The following SORCS3 variants were observed in gnomAD, a reference collection of about 807,000 sequenced individuals.
The protein encoded by SORCS3 is sortilin related VPS10 domain containing receptor 3, also known as VPS10 domain-containing receptor SorCS3.
SORCS3 carries 57 observed loss-of-function variants against 146.3 expected under a neutral mutation model. The ratio of observed to expected loss-of-function variants is 0.39; its 90% CI spans 0.31 to 0.49. The LOEUF is 0.49. SORCS3 is among the 20% of genes least tolerant of loss of function. The pLI, the probability that SORCS3 is intolerant of heterozygous loss-of-function variation, is 0.92. For synonymous variants in SORCS3, 653 were observed against 618.5 expected (o/e 1.06, Z -0.83); for missense variants, 1,341 against 1,575.5 (o/e 0.85, Z 2.52).
intron 3 of SORCS3, among the ~76,000 whole-genome samples, chr10:104,944,790 T>C (rs548731490): frequency 6.6e-6 from 1 of 152,328 alleles, no homozygotes; most frequent in Non-Finnish European, 1.5e-5. Flanking sequence ...AAACCGGCAG[T>C]GTCTCCTAAA....
At chr10:105,117,055 C>A (rs1262588084) in intron 7 of SORCS3, among the ~76,000 whole-genome samples, 3 of 150,574 alleles carry the variant, frequency 2.0e-5, no homozygotes, top group Non-Finnish European at 4.4e-5. Flanking sequence ...AAAAAAAAAA[C>A]AAAACTAATG....
At chr10:104,696,464 AAT>A (rs1468295539) in intron 1 of SORCS3, among the ~76,000 whole-genome samples, 1 of 79,132 alleles carries the variant, frequency 1.3e-5, no homozygotes, top group African/African-American at 4.8e-5. Flanking sequence ...TAGAATATAT[AAT>A]ATATAGAATA....
chr10:104,717,040 C>T lies in SORCS3; in HGVS notation c.627+75086C>T, dbSNP rs769635965. On this transcript the variant is annotated intron_variant, in intron 1 of 26. Transcript: ENST00000369701. ...CACAGTGGCTCATGCCTGTAATTCC[C>T]GCCTTTGGAAGGCCAAGGCAGAAGA... 8.5e-5 allele frequency among the ~76,000 whole-genome samples: 13 copies of T among 152,244 alleles called. No individual in the cohort carries two copies. In the East Asian group the frequency reaches 1.4e-3, roughly 16 times the overall value.
At chr10:105,042,632 A>G (rs1394699852) in intron 4 of SORCS3, among the ~76,000 whole-genome samples, 2 of 152,192 alleles carry the variant, frequency 1.3e-5, no homozygotes, top group Non-Finnish European at 2.9e-5. Context: ...GTGACAATGA[A>G]GAGCTCCATT....
chr10:104,919,146 T>A (rs777841005), intron 3 of SORCS3, among the ~76,000 whole-genome samples: 18 of 152,162 alleles, frequency 1.2e-4, no homozygotes, highest in Non-Finnish European at 4.4e-5. Context: ...CATTTATCCT[T>A]CCTCATGGTG....
At chr10:105,094,029 A>G (rs796236744) in intron 6 of SORCS3, among the ~76,000 whole-genome samples, 5 of 152,354 alleles carry the variant, frequency 3.3e-5, no homozygotes, top group African/African-American at 1.2e-4. Context: ...CATCTACAAC[A>G]TAGGATGCTA....
At chr10:104,888,311 T>C (rs927396378) in intron 2 of SORCS3, among the ~76,000 whole-genome samples, 3 of 152,214 alleles carry the variant, frequency 2.0e-5, no homozygotes, top group Non-Finnish European at 4.4e-5. Context: ...AAAGTGTGAC[T>C]GGCTAAGTAG....
At chr10:104,746,281 T>C (rs901954423) in intron 1 of SORCS3, among the ~76,000 whole-genome samples, 10 of 151,896 alleles carry the variant, frequency 6.6e-5, no homozygotes, top group African/African-American at 9.6e-5. Flanking sequence ...GGACTACAGG[T>C]GCCCGCCACT....
intron 3 of SORCS3, among the ~76,000 whole-genome samples, chr10:104,939,047 A>G (rs954447869): frequency 6.6e-5 from 10 of 152,232 alleles, no homozygotes; most frequent in African/African-American, 2.4e-4. Context: ...TTCTGTGTTC[A>G]GCATTCTGCT....
chr10:104,978,220 C>G (rs1182521768), intron 4 of SORCS3, among the ~76,000 whole-genome samples: 1 of 152,100 alleles, frequency 6.6e-6, no homozygotes, highest in African/African-American at 2.4e-5. Flanking sequence ...CAGATTCCAC[C>G]TCGAGGCATA....
At chr10:105,242,728 A>ATATATATT (rs1209720148) in intron 20 of SORCS3, among the ~76,000 whole-genome samples, 1 of 104,310 alleles carries the variant, frequency 9.6e-6, no homozygotes, top group African/African-American at 4.0e-5. Flanking sequence ...ATATACATTT[A>ATATATATT]TATATATTTA....
At chr10:104,992,492 A>G (rs2055000703) in intron 4 of SORCS3, among the ~76,000 whole-genome samples, 1 of 152,204 alleles carries the variant, frequency 6.6e-6, no homozygotes, top group Admixed American at 6.5e-5. Flanking sequence ...GAAGTTACAG[A>G]AAGTTTGGTT....
chr10:104,891,993 T>C (rs1299262310), intron 2 of SORCS3, among the ~76,000 whole-genome samples: 3 of 152,214 alleles, frequency 2.0e-5, no homozygotes. Context: ...GTTAAACATA[T>C]TTTTCTCTAA....
At chr10:104,918,627 A>G (rs1404944189) in intron 3 of SORCS3, among the ~76,000 whole-genome samples, 1 of 152,142 alleles carries the variant, frequency 6.6e-6, no homozygotes, top group Admixed American at 6.5e-5. Context: ...AGCCAACTCA[A>G]CAGGTTAGGA....
At chr10:104,973,499 T>G (rs1298962132) in intron 3 of SORCS3, among the ~76,000 whole-genome samples, 1 of 152,060 alleles carries the variant, frequency 6.6e-6, no homozygotes, top group East Asian at 1.9e-4. Flanking sequence ...GTTTGTAGTA[T>G]TCTCTGATGG....
chr10:104,951,390 T>C (rs2019427555), intron 3 of SORCS3, among the ~76,000 whole-genome samples: 2 of 152,290 alleles, frequency 1.3e-5, no homozygotes, highest in Admixed American at 6.5e-5. Flanking sequence ...TGGAGTACAG[T>C]GGTGTGATTA....
chr10:104,646,913 G>A lies in SORCS3; in HGVS notation c.627+4959G>A, dbSNP rs2015502554. On this transcript the variant is annotated intron_variant, in intron 1 of 26. Transcript: ENST00000369701. ...TAACTGAGAAAAGGCTCTGGATAGG[G>A]CTCTGACTTTGTTGGTAGTCAGTGG... Among the ~76,000 whole-genome samples, 5 of 152,078 alleles carry A rather than the reference G, an allele frequency of 3.3e-5. 2 individuals carry two copies. In the South Asian group the frequency reaches 1.0e-3, roughly 32 times the overall value.
intron 4 of SORCS3, among the ~76,000 whole-genome samples, chr10:105,004,258 T>C (rs2055079797): frequency 6.6e-6 from 1 of 152,166 alleles, no homozygotes; most frequent in Admixed American, 6.5e-5. Flanking sequence ...AGGCTCTGCC[T>C]GGGAGCAGAA....
At chr10:104,931,177 G>C (rs1476593260) in intron 3 of SORCS3, among the ~76,000 whole-genome samples, 1 of 152,128 alleles carries the variant, frequency 6.6e-6, no homozygotes, top group Non-Finnish European at 1.5e-5. Flanking sequence ...TCTCAGGGGG[G>C]GAGTCCCTTA....
Sources: gnomAD v4.1 joint callset for allele counts (sites outside exome capture counted in the v4.1 genomes callset) on GRCh38, gnomAD v4.1.1 for gene constraint, MANE v1.5 for transcripts, NCBI Gene and HGNC (gene_info 2026-07-23, HGNC 2026-07-21) for gene names.